ZEB2: variants seen among roughly 807,000 people sequenced by gnomAD.
ZEB2 encodes the protein zinc finger E-box binding homeobox 2.
ZEB2 carries 6 observed loss-of-function variants against 99.9 expected under a neutral mutation model. The ratio of observed to expected loss-of-function variants is 0.06; its 90% CI spans 0.03 to 0.12. ZEB2 has a LOEUF of 0.12. Among genes scored for constraint, ZEB2 ranks in the 10% least tolerant of loss-of-function variants. The pLI, the probability that ZEB2 is intolerant of heterozygous loss-of-function variation, is 1.00. For missense variants in ZEB2, 969 were observed against 1,502.8 expected, an observed-to-expected ratio of 0.64 and a Z score of 5.87; for synonymous variants, 517 against 542.5, an observed-to-expected ratio of 0.95 and a Z score of 0.65.
intron 2 of ZEB2, among the ~76,000 whole-genome samples, chr2:144,479,277 T>C (rs1704473849): frequency 1.3e-5 from 2 of 152,218 alleles, no homozygotes; most frequent in Non-Finnish European, 2.9e-5. Flanking sequence ...ACTGCCATTG[T>C]TTCCCCGGAT....
intron 2 of ZEB2, chr2:144,463,704 A>G (rs1255631904): frequency 6.6e-6 from 1 of 152,010 alleles, no homozygotes; most frequent in East Asian, 1.9e-4. Flanking sequence ...ATGGTGGTGC[A>G]TGCCTGTGGT....
intron 2 of ZEB2, among the ~76,000 whole-genome samples, chr2:144,460,660 G>C (rs1281654917): frequency 6.6e-6 from 1 of 151,916 alleles, no homozygotes; most frequent in Non-Finnish European, 1.5e-5. Flanking sequence ...CCATAATCCT[G>C]CTGGTTATAC....
chr2:144,466,033 G>A (rs1054565371), intron 2 of ZEB2, among the ~76,000 whole-genome samples: 2 of 152,170 alleles, frequency 1.3e-5, no homozygotes, highest in African/African-American at 2.4e-5. Flanking sequence ...AATCTCTTAT[G>A]AATAGTCATT....
At chr2:144,484,249 A>G (rs1425200056) in intron 2 of ZEB2, among the ~76,000 whole-genome samples, 2 of 135,090 alleles carry the variant, frequency 1.5e-5, no homozygotes, top group Non-Finnish European at 3.3e-5. Context: ...CAACCAATTC[A>G]AATGTGTTTA....
intron 2 of ZEB2, among the ~76,000 whole-genome samples, chr2:144,479,158 T>C (rs1359612971): frequency 6.6e-6 from 1 of 152,254 alleles, no homozygotes. Context: ...TTTCTTTTGC[T>C]AAATTTTTAT....
Position 144,459,153 on chromosome 2 carries a change from G to A in ZEB2, c.74-29127C>T, listed in dbSNP as rs73962014. Among the ~76,000 whole-genome samples, 1,399 of 152,198 alleles carry A rather than the reference G, an allele frequency of 9.2e-3. 20 individuals carry two copies. The highest frequency in any genetic ancestry group is 0.032 in the African/African-American group (1,327 of 41,528). Reference sequence around the variant, plus strand: ...AACCCCATAACCCACGTCAGCCCAAGCTTTAAGCATTAGGTAGCTACTGGA... The same window carrying A: ...AACCCCATAACCCACGTCAGCCCAAACTTTAAGCATTAGGTAGCTACTGGA... On this transcript the variant is annotated intron_variant, in intron 2 of 9. Transcript: ENST00000627532.
In ZEB2 at chr2:144,399,114, C is replaced by A. The variant is rs1217706786; in HGVS notation, c.2073G>T (p.Trp691Cys). The change falls in exon 8 of 10, where the codon TGG (tryptophan) becomes TGT (cysteine). Residue 691 changes from tryptophan to cysteine, a missense_variant. Coordinates refer to ENST00000627532, the MANE Select transcript of ZEB2 (RefSeq NM_014795.4). This position sits in a 1 kb window ranked among gnomAD's most constrained non-coding sequence, Gnocchi z 5.6. ...VGLPQEFVKE[W>C]FEQRKVYQYS... Reference sequence around the variant, plus strand: ...ACTGGTAGACTTTTCGTTGTTCAAACCATTCCTTCACAAATTCCTGAGGAA... The same window carrying A: ...ACTGGTAGACTTTTCGTTGTTCAAAACATTCCTTCACAAATTCCTGAGGAA... 6.2e-7 allele frequency: 1 copy of A among 1,614,150 alleles called. No individual in the cohort carries two copies. The highest frequency in any genetic ancestry group is 8.5e-7 in the Non-Finnish European group (1 of 1,180,022).
chr2:144,484,185 TTG>T (rs10529605), intron 2 of ZEB2, among the ~76,000 whole-genome samples: 32 of 142,500 alleles, frequency 2.2e-4, no homozygotes, highest in South Asian at 1.6e-3. Flanking sequence ...AAATCTGGAT[TTG>T]TGTGTGTGTG....
At chr2:144,441,208 A>AGAG (rs59338642) in intron 2 of ZEB2, among the ~76,000 whole-genome samples, 71 of 145,594 alleles carry the variant, frequency 4.9e-4, no homozygotes, top group South Asian at 1.3e-3. Flanking sequence ...AGAGAGAGAG[A>AGAG]ACCTCATGCC....
chr2:144,415,409 G>T (rs891942043), intron 4 of ZEB2, among the ~76,000 whole-genome samples: 1 of 152,146 alleles, frequency 6.6e-6, no homozygotes, highest in Non-Finnish European at 1.5e-5. Flanking sequence ...AACCAAAAAA[G>T]AACTTTATTC....
intron 4 of ZEB2, among the ~76,000 whole-genome samples, chr2:144,415,063 ATT>A (rs541312850): frequency 1.5e-5 from 2 of 134,774 alleles, no homozygotes; most frequent in Non-Finnish European, 1.6e-5. Context: ...TTATTCTTAC[ATT>A]TTTTTTTTTA....
At chr2:144,400,371 A>C in intron 7 of ZEB2, 101 bp from the exon 8 acceptor site, 2 of 1,286,940 alleles carry the variant, frequency 1.6e-6, no homozygotes, top group South Asian at 1.3e-5. Context: ...AAAGGAACAC[A>C]ATGGGGTACC....
At chr2:144,478,462 G>A (rs1175681308) in intron 2 of ZEB2, among the ~76,000 whole-genome samples, 2 of 152,168 alleles carry the variant, frequency 1.3e-5, no homozygotes, top group Non-Finnish European at 2.9e-5. Flanking sequence ...GTGTGTATGC[G>A]TGTGTGTTAA....
At position 144,517,787 on chromosome 2, in the gene ZEB2, G is replaced by A. The variant is rs1573822588; in HGVS notation, c.-69-368C>T. ...TCCTCAGCCCCCGGCTCGGGAACTT[G>A]GGGTGAGGCGAGGTTTTCTTTTCGT... On this transcript the variant is annotated intron_variant, in intron 1 of 9. Transcript: ENST00000627532. 3.0e-6 allele frequency: 2 copies of A among 670,786 alleles called. 1 individual carries two copies. Among genetic ancestry groups the A allele is most frequent in the South Asian group, 3.1e-5 (2 of 65,196 alleles). The allele number at this position is 670,786 out of a possible 1,614,324, so 41.6% of individuals were successfully genotyped here.
chr2:144,512,385 C>T lies in ZEB2; in HGVS notation c.73+4893G>A, dbSNP rs976848480. Reference sequence around the variant, plus strand: ...ACGCGGCACTGCTAGAGGCTAGCAACGCCCTCCTTTCCTACCTTCAGGGTA... The same window carrying T: ...ACGCGGCACTGCTAGAGGCTAGCAATGCCCTCCTTTCCTACCTTCAGGGTA... On this transcript the variant is annotated intron_variant, in intron 2 of 9. Coordinates refer to ENST00000627532, the MANE Select transcript of ZEB2 (RefSeq NM_014795.4). 1.1e-5 allele frequency: 14 copies of T among 1,287,106 alleles called. No individual in the cohort carries two copies. In the East Asian group the frequency reaches 2.8e-4, roughly 25 times the overall value. 79.7% of individuals were successfully genotyped at this position (1,287,106 alleles called of 1,614,324 possible). A position where few individuals can be genotyped will look rare whatever the true frequency, so the allele number is the denominator to read the frequency against.
At chr2:144,394,068 T>G (rs1221221904) in intron 9 of ZEB2, among the ~76,000 whole-genome samples, 3 of 152,066 alleles carry the variant, frequency 2.0e-5, no homozygotes, top group Admixed American at 6.5e-5. Context: ...ATTACAGGCA[T>G]GCACCACCAC....
At chr2:144,395,397 A>G (rs1703213550) in intron 9 of ZEB2, among the ~76,000 whole-genome samples, 1 of 151,204 alleles carries the variant, frequency 6.6e-6, no homozygotes, top group Non-Finnish European at 1.5e-5. Flanking sequence ...TTTTTCCTCC[A>G]TATTGAAATG....
intron 6 of ZEB2, 63 bp downstream of exon 6, chr2:144,403,853 A>T: frequency 6.3e-7 from 1 of 1,594,708 alleles, no homozygotes; most frequent in Non-Finnish European, 8.6e-7. Flanking sequence ...ATTGCCAATC[A>T]AAGCAATATC....
chr2:144,462,733 T>C (rs1316740060), intron 2 of ZEB2: 2 of 152,200 alleles, frequency 1.3e-5, no homozygotes, highest in African/African-American at 4.8e-5. Flanking sequence ...ATAGTTGCTA[T>C]GGATATTATG....
Sources: allele counts gnomAD v4.1 joint callset (sites outside exome capture counted in the v4.1 genomes callset), GRCh38; gene constraint gnomAD v4.1.1; non-coding constraint Gnocchi (gnomAD v3.1); transcripts MANE v1.5; gene names NCBI Gene and HGNC (gene_info 2026-07-23, HGNC 2026-07-21).